WWOX: variants seen among roughly 807,000 people sequenced by gnomAD.
The protein encoded by WWOX is WW domain-containing oxidoreductase.
WWOX carries 69 observed loss-of-function variants against 46.2 expected under a neutral mutation model. The ratio of observed to expected loss-of-function variants is 1.49; its 90% CI spans 1.23 to 1.82. The LOEUF is 1.82. Ranked by LOEUF, WWOX falls within the 40% of genes most tolerant of loss-of-function variation. WWOX has a pLI of 0.00. For missense variants in WWOX, 919 were observed against 542.6 expected (o/e 1.69, Z -6.89); for synonymous variants, 359 against 202.6 (o/e 1.77, Z -6.56).
chr16:78,617,491 G>A (rs912775661), intron 8 of WWOX, among the ~76,000 whole-genome samples: 1 of 151,890 alleles, frequency 6.6e-6, no homozygotes. Flanking sequence ...ACAATGCTCA[G>A]TGCAGTGACT....
intron 5 of WWOX, among the ~76,000 whole-genome samples, chr16:78,182,829 T>C (rs1008999490): frequency 6.6e-6 from 1 of 151,514 alleles, no homozygotes; most frequent in Non-Finnish European, 1.5e-5. Context: ...CGGGTACCTG[T>C]AGTGCCAGCT....
chr16:78,378,929 C>G (rs576967242), intron 5 of WWOX, among the ~76,000 whole-genome samples: 2 of 152,176 alleles, frequency 1.3e-5, no homozygotes, highest in Admixed American at 6.5e-5. Flanking sequence ...CCCGGTGTTA[C>G]GTCTTCAAGA....
intron 8 of WWOX, among the ~76,000 whole-genome samples, chr16:78,461,885 C>T (rs552677000): frequency 1.3e-5 from 2 of 152,298 alleles, no homozygotes; most frequent in African/African-American, 4.8e-5. Flanking sequence ...GCAGTTTCCC[C>T]AGCATTTAAG....
intron 6 of WWOX, among the ~76,000 whole-genome samples, chr16:78,415,469 C>T (rs1011026874): frequency 4.6e-5 from 7 of 152,088 alleles, no homozygotes; most frequent in East Asian, 1.9e-4. Flanking sequence ...TGCCTGACCT[C>T]GTGGGAATGC....
chr16:78,327,099 G>C (rs1417468632), intron 5 of WWOX, among the ~76,000 whole-genome samples: 4 of 152,118 alleles, frequency 2.6e-5, no homozygotes. Context: ...TCCTGACCTT[G>C]TGACTTTCAA....
At chr16:78,410,424 T>G (rs1017151172) in intron 6 of WWOX, among the ~76,000 whole-genome samples, 2 of 152,134 alleles carry the variant, frequency 1.3e-5, no homozygotes, top group African/African-American at 4.8e-5. Flanking sequence ...GGGACTTTTA[T>G]TTTTCCCAGT....
chr16:78,187,300 G>T (rs564719972), intron 5 of WWOX, among the ~76,000 whole-genome samples: 27 of 152,254 alleles, frequency 1.8e-4, no homozygotes, highest in African/African-American at 6.5e-4. Context: ...AAAGAAAAGA[G>T]GACTGCACTC....
chr16:78,167,028 A>C (rs1010896583), intron 5 of WWOX: 1 of 152,180 alleles, frequency 6.6e-6, no homozygotes, highest in Non-Finnish European at 1.5e-5. Context: ...AATTCCAGGG[A>C]CGCTAGTGAC....
intron 8 of WWOX, among the ~76,000 whole-genome samples, chr16:79,090,284 T>C (rs1051699183): frequency 9.6e-6 from 1 of 104,150 alleles, no homozygotes; most frequent in Non-Finnish European, 2.0e-5. Context: ...TGTGTGCGTG[T>C]GTGTGTGTGT....
chr16:78,750,684 T>G lies in WWOX; in HGVS notation c.1056+317932T>G, dbSNP rs114254773. ...TGAAGTCCCCAGAGTCTATTGTTCC[T>G]GTCTTCATGCCCATGTGTACGCAGT... On this transcript the variant is annotated intron_variant, in intron 8 of 8. Coordinates refer to ENST00000566780, the MANE Select transcript of WWOX (RefSeq NM_016373.4). Among the ~76,000 whole-genome samples, 778 of 152,258 alleles carry G rather than the reference T, an allele frequency of 5.1e-3. 4 individuals are homozygous for G. The highest frequency in any genetic ancestry group is 0.017 in the African/African-American group (708 of 41,554).
At chr16:78,589,011 T>G (rs552020533) in intron 8 of WWOX, among the ~76,000 whole-genome samples, 1 of 152,300 alleles carries the variant, frequency 6.6e-6, no homozygotes, top group Admixed American at 6.5e-5. Context: ...TAGAAGTAAA[T>G]GAGACATCTC....
At chr16:79,029,723 A>T (rs1452053458) in intron 8 of WWOX, among the ~76,000 whole-genome samples, 2 of 152,184 alleles carry the variant, frequency 1.3e-5, no homozygotes, top group Non-Finnish European at 2.9e-5. Context: ...AAGATTTTGC[A>T]TTTTTAATAT....
intron 8 of WWOX, among the ~76,000 whole-genome samples, chr16:78,457,276 T>C (rs967920559): frequency 4.6e-5 from 7 of 152,208 alleles, no homozygotes; most frequent in Admixed American, 3.9e-4. Flanking sequence ...CCTGCAAATA[T>C]TCCATTGCAC....
intron 5 of WWOX, among the ~76,000 whole-genome samples, chr16:78,314,701 G>GTTTTTTTTTT (rs920575863): frequency 2.1e-3 from 129 of 61,222 alleles, no homozygotes; most frequent in Non-Finnish European, 2.6e-3. Context: ...TTTTTTTTTT[G>GTTTTTTTTTT]TTTTTTTTTT....
chr16:79,123,521 T>A (rs2049684329), intron 8 of WWOX, among the ~76,000 whole-genome samples: 1 of 152,100 alleles, frequency 6.6e-6, no homozygotes, highest in African/African-American at 2.4e-5. Context: ...CTCATAACAG[T>A]TCTGTGCCTG....
chr16:78,994,265 C>A (rs948581686), intron 8 of WWOX: 14 of 151,740 alleles, frequency 9.2e-5, no homozygotes, highest in Admixed American at 5.2e-4. Flanking sequence ...CATTGGAGTA[C>A]CATTTAAAGA....
At chr16:78,527,943 C>T (rs2043517235) in intron 8 of WWOX, among the ~76,000 whole-genome samples, 1 of 148,136 alleles carries the variant, frequency 6.8e-6, no homozygotes, top group Non-Finnish European at 1.5e-5. Context: ...AGCTCTGTGC[C>T]ATTGTGCAAA....
At chr16:78,282,085 C>A (rs1167156681) in intron 5 of WWOX, among the ~76,000 whole-genome samples, 1 of 152,182 alleles carries the variant, frequency 6.6e-6, no homozygotes, top group Non-Finnish European at 1.5e-5. Flanking sequence ...GACACCTATC[C>A]CTGAATCAGT....
intron 5 of WWOX, among the ~76,000 whole-genome samples, chr16:78,204,949 G>T (rs1488405891): frequency 1.3e-5 from 2 of 152,208 alleles, no homozygotes; most frequent in Non-Finnish European, 2.9e-5. Context: ...CCTTGTGGAT[G>T]TTGAAAAGAA....
Sources: gnomAD v4.1 joint callset for allele counts (sites outside exome capture counted in the v4.1 genomes callset) on GRCh38, gnomAD v4.1.1 for gene constraint, MANE v1.5 for transcripts, NCBI Gene and HGNC (gene_info 2026-07-23, HGNC 2026-07-21) for gene names.